TBXAS1: variants seen among roughly 807,000 people sequenced by gnomAD.
TBXAS1 encodes thromboxane-A synthase.
Under a neutral mutation model 60.7 loss-of-function variants are expected in TBXAS1, and 48 were observed. That is an observed-to-expected ratio of 0.79 (90% CI 0.63 to 1.01). TBXAS1 has a LOEUF of 1.01. Among genes scored for constraint, TBXAS1 ranks in the 50% least tolerant of loss-of-function variants. The pLI is 0.00. For synonymous variants in TBXAS1, 287 were observed against 269.7 expected, an observed-to-expected ratio of 1.06 and a Z score of -0.63; for missense variants, 685 against 686.3, an observed-to-expected ratio of 1.00 and a Z score of 0.02.
intron 1 of TBXAS1, among the ~76,000 whole-genome samples, chr7:139,843,081 G>T (rs948716393): frequency 6.6e-6 from 1 of 152,148 alleles, no homozygotes; most frequent in Non-Finnish European, 1.5e-5. Context: ...TAAAGTCCTC[G>T]CATGTGCTTC....
intron 4 of TBXAS1, among the ~76,000 whole-genome samples, chr7:139,798,019 A>G (rs1797616903): frequency 6.6e-6 from 1 of 152,252 alleles, no homozygotes. Context: ...TACACACAAT[A>G]AATCTTAGTG....
chr7:139,918,975 T>A (rs1177564429), intron 4 of TBXAS1, among the ~76,000 whole-genome samples: 1 of 152,138 alleles, frequency 6.6e-6, no homozygotes, highest in Non-Finnish European at 1.5e-5. Flanking sequence ...ATTTTTTTTT[T>A]ACATTTTAAT....
intron 1 of TBXAS1, among the ~76,000 whole-genome samples, chr7:139,831,353 G>A (rs1476838264): frequency 2.6e-5 from 4 of 152,284 alleles, no homozygotes; most frequent in South Asian, 4.1e-4. Flanking sequence ...CTTCTGTTCC[G>A]GGTGAGACTC....
At chr7:139,835,348 G>T (rs567025418) in intron 1 of TBXAS1, among the ~76,000 whole-genome samples, 11 of 152,072 alleles carry the variant, frequency 7.2e-5, no homozygotes, top group African/African-American at 2.4e-4. Flanking sequence ...GATTTCAGGC[G>T]TGAGCCAACA....
chr7:139,838,058 C>T (rs762592104), intron 1 of TBXAS1, among the ~76,000 whole-genome samples: 23 of 152,168 alleles, frequency 1.5e-4, no homozygotes, highest in Non-Finnish European at 3.1e-4. Context: ...GCTCCTTCAG[C>T]GGGCCCCCTG....
At chr7:139,891,541 T>G (rs1803622096) in intron 3 of TBXAS1, among the ~76,000 whole-genome samples, 2 of 152,356 alleles carry the variant, frequency 1.3e-5, no homozygotes, top group Middle Eastern at 3.4e-3. Context: ...CTGCCTCTTC[T>G]TGCTGTTTCT....
intron 5 of TBXAS1, among the ~76,000 whole-genome samples, chr7:139,949,103 A>C (rs886697): frequency 1.3e-5 from 2 of 152,128 alleles, no homozygotes; most frequent in African/African-American, 2.4e-5. Context: ...TCTAGTCAAA[A>C]GCACGTAGAA....
At chr7:139,953,088 A>AT (rs1255382377) in intron 5 of TBXAS1, among the ~76,000 whole-genome samples, 1 of 152,168 alleles carries the variant, frequency 6.6e-6, no homozygotes, top group Non-Finnish European at 1.5e-5. Context: ...CTTAATGATC[A>AT]TTTTCATAAT....
chr7:140,007,274 A>G, intron 10 of TBXAS1, 92 bp downstream of exon 10: 1 of 1,179,978 alleles, frequency 8.5e-7, no homozygotes, highest in Non-Finnish European at 1.3e-6. Flanking sequence ...TCCATCAGTT[A>G]CCACTTGTGT....
At position 140,017,710 on chromosome 7, in the gene TBXAS1, G is replaced by A. The variant is rs369309793; in HGVS notation, c.1404G>A (p.Thr468=). ...CCCGGCAGCAGCACCGGCCCTTCACGTACCTGCCCTTCGGGGCCGGCCCAC... is the reference window on the plus strand; with the variant it reads ...CCCGGCAGCAGCACCGGCCCTTCACATACCTGCCCTTCGGGGCCGGCCCAC... The part of the protein sequence containing the change: ...AEARQQHRPF[T]YLPFGAGPRS... The change falls in exon 12 of 13, where the codon ACG becomes ACA. Residue 468 remains threonine, a synonymous_variant. Transcript: ENST00000448866. 8.7e-6 allele frequency: 14 copies of A among 1,613,766 alleles called. No individual in the cohort carries two copies. The highest frequency in any genetic ancestry group is 3.3e-5 in the South Asian group (3 of 91,078).
chr7:139,956,593 T>C (rs969590055), intron 7 of TBXAS1, among the ~76,000 whole-genome samples: 2 of 152,248 alleles, frequency 1.3e-5, no homozygotes, highest in Non-Finnish European at 2.9e-5. Context: ...GTAAATTCCA[T>C]TCATTCCTTG....
At chr7:139,872,184 G>A (rs1205175229) in intron 1 of TBXAS1, 51 bp from the exon 2 acceptor site, 1 of 1,528,858 alleles carries the variant, frequency 6.5e-7, no homozygotes, top group African/African-American at 1.4e-5. Context: ...AGAGCCTAAA[G>A]CATGAGTGCA....
At chr7:139,920,153 G>A (rs114722337) in intron 4 of TBXAS1, among the ~76,000 whole-genome samples, 6 of 152,264 alleles carry the variant, frequency 3.9e-5, no homozygotes, top group Admixed American at 6.5e-5. Flanking sequence ...GACACATTCT[G>A]TGTGGGGTTC....
chr7:139,842,433 C>T (rs935633804), intron 1 of TBXAS1, among the ~76,000 whole-genome samples: 1 of 152,168 alleles, frequency 6.6e-6, no homozygotes. Flanking sequence ...AACAACAAAC[C>T]TAACAACTAT....
At chr7:139,982,424 A>G (rs1487901151) in intron 9 of TBXAS1, among the ~76,000 whole-genome samples, 1 of 152,162 alleles carries the variant, frequency 6.6e-6, no homozygotes, top group Non-Finnish European at 1.5e-5. Flanking sequence ...AGTCAAAGAG[A>G]TCAGACAAGA....
chr7:139,826,392 G>T (rs1798438785), upstream of TBXAS1, among the ~76,000 whole-genome samples: 3 of 152,118 alleles, frequency 2.0e-5, no homozygotes, highest in Admixed American at 2.0e-4. Flanking sequence ...GGAGTGACAT[G>T]GAGGGACACT....
chr7:139,936,136 C>A, intron 4 of TBXAS1, 55 bp from the exon 5 acceptor site: 1 of 1,573,012 alleles, frequency 6.4e-7, no homozygotes, highest in Non-Finnish European at 8.7e-7. Flanking sequence ...TGTATTGCCA[C>A]CAAGGTGGCT....
At chr7:139,837,771 C>T (rs572123221) in intron 1 of TBXAS1, among the ~76,000 whole-genome samples, 2 of 152,102 alleles carry the variant, frequency 1.3e-5, no homozygotes, top group Non-Finnish European at 2.9e-5. Flanking sequence ...AGAACTTACT[C>T]ATGTAACCAA....
At chr7:139,843,123 C>T (rs1257064663) in intron 1 of TBXAS1, among the ~76,000 whole-genome samples, 1 of 152,162 alleles carries the variant, frequency 6.6e-6, no homozygotes, top group Non-Finnish European at 1.5e-5. Flanking sequence ...CCTGTTCCCT[C>T]CAAGCTGCAC....
Sources: allele counts gnomAD v4.1 joint callset (sites outside exome capture counted in the v4.1 genomes callset), GRCh38; gene constraint gnomAD v4.1.1; transcripts MANE v1.5; gene names NCBI Gene and HGNC (gene_info 2026-07-23, HGNC 2026-07-21).